The following MGLL variants were observed in gnomAD, a reference collection of about 807,000 sequenced individuals.
MGLL encodes the protein monoglyceride lipase, also known as lysophospholipase homolog.
In MGLL, 7 loss-of-function variants were observed where a neutral mutation model predicts 29.1. The observed-to-expected ratio is 0.24, with a 90% CI of 0.14 to 0.45. The LOEUF (loss-of-function observed/expected upper bound fraction) is 0.45, where lower values mean the gene tolerates loss of function less well. MGLL is among the 20% of genes least tolerant of loss of function. MGLL has a pLI of 0.99. For synonymous variants in MGLL, 148 were observed against 168.3 expected (o/e 0.88, Z 0.93); for missense variants, 356 against 413.6 (o/e 0.86, Z 1.21).
chr3:127,744,485 A>T (rs1321924628), intron 3 of MGLL, among the ~76,000 whole-genome samples: 1 of 152,196 alleles, frequency 6.6e-6, no homozygotes, highest in Non-Finnish European at 1.5e-5. Flanking sequence ...GGCTCTGTGC[A>T]GCTCTGGGTT....
At chr3:127,803,910 G>A (rs1387110112) in intron 2 of MGLL, among the ~76,000 whole-genome samples, 1 of 152,114 alleles carries the variant, frequency 6.6e-6, no homozygotes, top group East Asian at 1.9e-4. Flanking sequence ...TTCAGGACGG[G>A]GTGGCTCAGG....
At chr3:127,734,337 G>A (rs2076205693) in intron 3 of MGLL, among the ~76,000 whole-genome samples, 3 of 152,208 alleles carry the variant, frequency 2.0e-5, no homozygotes, top group African/African-American at 7.2e-5. Flanking sequence ...GCGTTGCCAT[G>A]AGGCGCCAGG....
In MGLL at chr3:127,727,285, A is replaced by G. The variant is rs943801699; in HGVS notation, c.263-4719T>C. ...CAAGATTTAAAGTTGGGAGTGTCCA[A>G]TGCCACCGAGGTGCCTTTGCTTTCA... On this transcript the variant is annotated intron_variant, in intron 3 of 7. Coordinates refer to ENST00000265052, the MANE Select transcript of MGLL (RefSeq NM_007283.7). Among the ~76,000 whole-genome samples the G allele has an allele frequency of 2.6e-5, 4 of 152,206 alleles. No homozygotes were observed. In the East Asian group the frequency reaches 5.8e-4, roughly 22 times the overall value.
At chr3:127,792,703 A>G (rs2077321739) in intron 2 of MGLL, among the ~76,000 whole-genome samples, 1 of 151,688 alleles carries the variant, frequency 6.6e-6, no homozygotes, top group African/African-American at 2.4e-5. Context: ...CTCTGTCTCA[A>G]AAGAAAAAAA....
At chr3:127,735,946 C>T in intron 3 of MGLL, 2 of 1,484,838 alleles carry the variant, frequency 1.3e-6, no homozygotes, top group Non-Finnish European at 1.8e-6. Flanking sequence ...TCCTGGCTCT[C>T]TTAGAGTGCA....
At chr3:127,820,359 G>A (rs146108744) in intron 2 of MGLL, among the ~76,000 whole-genome samples, 266 of 152,266 alleles carry the variant, frequency 1.7e-3, no homozygotes, top group East Asian at 6.2e-3. Flanking sequence ...CAACTTGACC[G>A]TTTCTAACCC....
At chr3:127,729,025 C>T (rs891590513) in intron 3 of MGLL, among the ~76,000 whole-genome samples, 4 of 151,916 alleles carry the variant, frequency 2.6e-5, no homozygotes, top group African/African-American at 7.3e-5. Context: ...ATGGGGGTTT[C>T]GCATCTCTTC....
chr3:127,741,168 T>C (rs970541724), intron 3 of MGLL, among the ~76,000 whole-genome samples: 1 of 152,252 alleles, frequency 6.6e-6, no homozygotes, highest in African/African-American at 2.4e-5. Flanking sequence ...ATGGATACAA[T>C]GTTCTTCTTC....
intron 3 of MGLL, among the ~76,000 whole-genome samples, chr3:127,724,854 C>T (rs1490069999): frequency 6.6e-6 from 1 of 151,912 alleles, no homozygotes; most frequent in Non-Finnish European, 1.5e-5. Flanking sequence ...ACCTCACAAC[C>T]CTGGGGACGT....
At chr3:127,792,079 G>A (rs959008018) in intron 2 of MGLL, among the ~76,000 whole-genome samples, 6 of 152,010 alleles carry the variant, frequency 3.9e-5, no homozygotes, top group Non-Finnish European at 7.4e-5. Context: ...AAAAACAAAC[G>A]AACAAACATG....
rs149038912 is a variant in MGLL, at chr3:127,693,920, T to C, written c.816+1055A>G. ...GACTTGGCAAGGGTTCACATTGGTG[T>C]AAGGGCGGTCTCAGTGATGCTCTCA... is the stretch of plus-strand genomic sequence containing the variant. On this transcript the variant is annotated intron_variant, in intron 7 of 7. Coordinates refer to ENST00000265052, the MANE Select transcript of MGLL (RefSeq NM_007283.7). Among the ~76,000 whole-genome samples the C allele has an allele frequency of 4.6e-5, 7 of 152,332 alleles. No homozygotes were observed. In the East Asian group the frequency reaches 1.2e-3, roughly 25 times the overall value.
chr3:127,788,993 A>G (rs1159197754), intron 2 of MGLL, among the ~76,000 whole-genome samples: 1 of 152,138 alleles, frequency 6.6e-6, no homozygotes, highest in Non-Finnish European at 1.5e-5. Context: ...AAAGCACTCA[A>G]TGCCCCAGGT....
At chr3:127,714,990 C>T (rs1287510755) in intron 5 of MGLL, among the ~76,000 whole-genome samples, 2 of 152,156 alleles carry the variant, frequency 1.3e-5, no homozygotes, top group Non-Finnish European at 2.9e-5. Flanking sequence ...AAACCAGCAG[C>T]GCCAGGGGCT....
chr3:127,790,042 G>GTGACAATCACCCTGATTAGTAA (rs2077274756), intron 2 of MGLL, among the ~76,000 whole-genome samples: 1 of 152,222 alleles, frequency 6.6e-6, no homozygotes, highest in African/African-American at 2.4e-5. Flanking sequence ...CTGATTAGTA[G>GTGACAATCACCCTGATTAGTAA]TAAGTGTGCT....
intron 2 of MGLL, among the ~76,000 whole-genome samples, chr3:127,786,027 C>T (rs751303743): frequency 5.3e-5 from 8 of 152,272 alleles, no homozygotes; most frequent in South Asian, 2.1e-4. Context: ...CTACTCCAGG[C>T]GCAGAAGGAA....
At chr3:127,778,833 C>A (rs2077077696) in intron 3 of MGLL, among the ~76,000 whole-genome samples, 1 of 144,620 alleles carries the variant, frequency 6.9e-6, no homozygotes, top group Non-Finnish European at 1.6e-5. Flanking sequence ...CTTACTGCAG[C>A]CTTGAACTCT....
chr3:127,768,562 C>A (rs895266361), intron 3 of MGLL, among the ~76,000 whole-genome samples: 1 of 152,168 alleles, frequency 6.6e-6, no homozygotes, highest in African/African-American at 2.4e-5. Context: ...TGTTAAGAAT[C>A]GAGGCCTGAC....
At chr3:127,822,911 GCGCGCGCGCACACGCGCGCACACTCGGA>G (rs2077890582), upstream of MGLL, 1 of 155,114 alleles carries the variant, frequency 6.4e-6, no homozygotes, top group African/African-American at 2.4e-5. Context: ...GGGAGGGCGC[GCGCGCGCGCACACGCGCGCACACTCGGA>G]CACGCGCGCA....
chr3:127,777,438 C>T (rs912453659), intron 3 of MGLL, among the ~76,000 whole-genome samples: 9 of 152,224 alleles, frequency 5.9e-5, no homozygotes, highest in African/African-American at 9.6e-5. Flanking sequence ...TTCCTGCCTC[C>T]CTTGCAGCTA....
Sources: gnomAD v4.1 joint callset for allele counts (sites outside exome capture counted in the v4.1 genomes callset) on GRCh38, gnomAD v4.1.1 for gene constraint, MANE v1.5 for transcripts, NCBI Gene and HGNC (gene_info 2026-07-23, HGNC 2026-07-21) for gene names.